ZNF486: variants seen among roughly 807,000 people sequenced by gnomAD.
ZNF486 encodes the protein zinc finger protein 486, also known as KRAB box only protein 2.
In ZNF486, 12 loss-of-function variants were observed where a neutral mutation model predicts 12.8. The ratio of observed to expected loss-of-function variants is 0.94; its 90% CI spans 0.60 to 1.52. ZNF486 has a LOEUF of 1.52. ZNF486 is among the 40% of genes most tolerant of loss of function. ZNF486 has a pLI of 0.00. For missense variants in ZNF486, 738 were observed against 545.0 expected (o/e 1.35, Z -3.53); for synonymous variants, 231 against 184.9 (o/e 1.25, Z -2.02).
At chr19:20,174,799 A>T (rs1312658970) in intron 1 of ZNF486, among the ~76,000 whole-genome samples, 1 of 152,220 alleles carries the variant, frequency 6.6e-6, no homozygotes, top group East Asian at 1.9e-4. Flanking sequence ...TGGCTGAAGT[A>T]TAGTTTTAAT....
rs2089976561 is a variant in ZNF486, at chr19:20,197,857, T to C, written c.1147T>C (p.Cys383Arg). The part of the protein sequence containing the change: ...TGEKPYKCEE[C>R]GKAFTWSAGL... ...AGAGAAACCATACAAATGTGAAGAA[T>C]GTGGCAAAGCCTTTACATGGTCTGC... Residue 383 changes from cysteine (C) to arginine (R), a missense_variant, in exon 4 of 4, where the codon TGT (cysteine) becomes CGT (arginine). Physicochemically the swap from Cys to Arg is radical, Grantham distance 180 (BLOSUM62 -3). Coordinates refer to ENST00000335117, the MANE Select transcript of ZNF486 (RefSeq NM_052852.4). The C allele has an allele frequency of 1.2e-6, 2 of 1,613,426 alleles. No homozygotes were observed. Among genetic ancestry groups the C allele is most frequent in the East Asian group, 2.2e-5 (1 of 44,858 alleles).
chr19:20,169,398 C>A (rs1555713525), intron 1 of ZNF486, among the ~76,000 whole-genome samples: 1 of 152,188 alleles, frequency 6.6e-6, no homozygotes, highest in East Asian at 1.9e-4. Context: ...CTTGCGCCAC[C>A]GCGCCCGGCC....
chr19:20,194,296 G>C (rs1237134178), intron 3 of ZNF486, among the ~76,000 whole-genome samples: 1 of 152,144 alleles, frequency 6.6e-6, no homozygotes, highest in African/African-American at 2.4e-5. Flanking sequence ...CTCAGGATTT[G>C]GTTATTTTGG....
Position 20,168,322 on chromosome 19 carries a change from G to A in ZNF486, c.30+962G>A, listed in dbSNP as rs1192394876. On this transcript the variant is annotated intron_variant, in intron 1 of 3. Transcript: ENST00000335117. ...TGCAGTGAGCTGAGACCGCGCCATC[G>A]TACTTAAGTGTGCGTGACAGAGCAA... 2.6e-5 allele frequency among the ~76,000 whole-genome samples: 4 copies of A among 151,068 alleles called. No individual in the cohort carries two copies. In the East Asian group the frequency reaches 7.9e-4, roughly 30 times the overall value.
At chr19:20,193,520 G>A (rs1215229368) in intron 3 of ZNF486, among the ~76,000 whole-genome samples, 3 of 151,942 alleles carry the variant, frequency 2.0e-5, no homozygotes, top group Non-Finnish European at 4.4e-5. Flanking sequence ...CATTATCCGG[G>A]CATGCTGGCA....
chr19:20,190,394 G>T (rs1302508277), intron 3 of ZNF486, among the ~76,000 whole-genome samples: 3 of 152,128 alleles, frequency 2.0e-5, no homozygotes, highest in Non-Finnish European at 4.4e-5. Context: ...AAATTGATTT[G>T]TTGTTGTTTT....
chr19:20,171,863 G>A (rs1380895936), intron 1 of ZNF486, among the ~76,000 whole-genome samples: 1 of 152,112 alleles, frequency 6.6e-6, no homozygotes, highest in Non-Finnish European at 1.5e-5. Context: ...GATCCTCTTA[G>A]TCCTCACACC....
At chr19:20,190,651 T>C (rs1555717052) in intron 3 of ZNF486, among the ~76,000 whole-genome samples, 13 of 152,172 alleles carry the variant, frequency 8.5e-5, no homozygotes, top group Admixed American at 5.2e-4. Context: ...TCCCAAAGTG[T>C]TAGGGTTATA....
At chr19:20,178,080 G>C (rs2089742431) in intron 1 of ZNF486, among the ~76,000 whole-genome samples, 1 of 145,408 alleles carries the variant, frequency 6.9e-6, no homozygotes, top group Non-Finnish European at 1.5e-5. Context: ...CCTGCCACCA[G>C]GCCCGGCTAA....
intron 3 of ZNF486, among the ~76,000 whole-genome samples, chr19:20,192,721 C>G (rs2089914450): frequency 6.6e-6 from 1 of 152,180 alleles, no homozygotes. Flanking sequence ...TCTCAAACAG[C>G]TGGGTTACAA....
chr19:20,197,411 G>T lies in ZNF486; in HGVS notation c.701G>T (p.Arg234Ile). ...ACTACACATAAGATAACTCATACTA[G>T]AGAGAAACCCTACAAATGTGAAGAA... is the stretch of plus-strand genomic sequence containing the variant. ...HLTTHKITHT[R>I]EKPYKCEECG... The change falls in exon 4 of 4, where the codon AGA becomes ATA. Residue 234 changes from arginine (R) to isoleucine (I), a missense_variant. Coordinates refer to ENST00000335117, the MANE Select transcript of ZNF486 (RefSeq NM_052852.4). 1 of 1,613,144 alleles carries T rather than the reference G, an allele frequency of 6.2e-7. No homozygotes were observed.
intron 1 of ZNF486, among the ~76,000 whole-genome samples, chr19:20,179,240 G>A (rs1320436351): frequency 6.6e-6 from 1 of 151,562 alleles, no homozygotes; most frequent in Non-Finnish European, 1.5e-5. Context: ...ACTATCCCAT[G>A]CCCTAAAACA....
intron 3 of ZNF486, among the ~76,000 whole-genome samples, chr19:20,193,320 G>T (rs1555717444): frequency 1.4e-5 from 2 of 147,886 alleles, no homozygotes; most frequent in Non-Finnish European, 1.5e-5. Flanking sequence ...TTTGAAACTG[G>T]GTCTCACTCT....
intron 1 of ZNF486, among the ~76,000 whole-genome samples, chr19:20,168,907 C>A (rs1555713393): frequency 6.6e-6 from 1 of 151,836 alleles, no homozygotes; most frequent in Non-Finnish European, 1.5e-5. Flanking sequence ...GTGGCGCGAT[C>A]TCGGCTCACT....
intron 3 of ZNF486, among the ~76,000 whole-genome samples, chr19:20,192,585 G>A (rs2089913105): frequency 6.6e-6 from 1 of 152,168 alleles, no homozygotes; most frequent in Non-Finnish European, 1.5e-5. Flanking sequence ...TGGGATTACA[G>A]GCATCAGCCA....
intron 2 of ZNF486, among the ~76,000 whole-genome samples, chr19:20,184,915 C>T (rs1171776856): frequency 6.6e-6 from 1 of 152,032 alleles, no homozygotes; most frequent in East Asian, 1.9e-4. Context: ...AGTTTGAGAC[C>T]AGCCTGACCA....
chr19:20,173,100 G>A lies in ZNF486; in HGVS notation c.30+5740G>A, dbSNP rs192289786. On this transcript the variant is annotated intron_variant, in intron 1 of 3. Transcript: ENST00000335117. ...TCATTTGTCAATTTTTGCTTTTGTT[G>A]CAGTTGCTTTGGGTAGCTTCCTCAT... Among the ~76,000 whole-genome samples the A allele has an allele frequency of 7.0e-4, 106 of 152,272 alleles. 1 individual carries two copies. The South Asian group carries it at 0.013, about 19-fold the overall frequency.
intron 3 of ZNF486, among the ~76,000 whole-genome samples, chr19:20,194,057 TAAC>T (rs1323548236): frequency 3.0e-4 from 45 of 151,104 alleles, no homozygotes; most frequent in Non-Finnish European, 5.6e-4. Context: ...TAACAGATGT[TAAC>T]AATAATTTCT....
Position 20,197,167 on chromosome 19 carries a change from A to G in ZNF486, c.457A>G (p.Ile153Val), listed in dbSNP as rs971359296. 6.2e-7 allele frequency: 1 copy of G among 1,613,862 alleles called. No individual in the cohort carries two copies. Among genetic ancestry groups the G allele is most frequent in the African/African-American group, 1.3e-5 (1 of 74,926 alleles). The change falls in exon 4 of 4, where the codon ATA becomes GTA. Residue 153 changes from isoleucine (I) to valine (V), a missense_variant. Physicochemically the swap from Ile to Val is conservative, Grantham distance 29. Transcript: ENST00000335117. ...NQCLTTTQSK[I>V]FQCGKYVKVF... Reference sequence around the variant, plus strand: ...ATGTTTGACAACTACCCAGAGCAAAATATTTCAATGTGGTAAATATGTGAA... The same window carrying G: ...ATGTTTGACAACTACCCAGAGCAAAGTATTTCAATGTGGTAAATATGTGAA...
Sources: gnomAD v4.1 joint callset for allele counts (sites outside exome capture counted in the v4.1 genomes callset) on GRCh38, gnomAD v4.1.1 for gene constraint, MANE v1.5 for transcripts, NCBI Gene and HGNC (gene_info 2026-07-23, HGNC 2026-07-21) for gene names.